NECAP2: variants seen among roughly 807,000 people sequenced by gnomAD.
NECAP2 encodes adaptin ear-binding coat-associated protein 2.
In NECAP2, 38 loss-of-function variants were observed where a neutral mutation model predicts 37.8. That is an observed-to-expected ratio of 1.01 (90% CI 0.78 to 1.32). The LOEUF (loss-of-function observed/expected upper bound fraction) is 1.32, where lower values mean the gene tolerates loss of function less well. Among genes scored for constraint, NECAP2 ranks in the 40% most tolerant of loss-of-function variants. The probability of loss-of-function intolerance (pLI) is 0.00; values close to 1 mark genes in which losing one functional copy is unlikely to be tolerated. For missense variants in NECAP2, 316 were observed against 334.5 expected, an observed-to-expected ratio of 0.94 and a Z score of 0.43; for synonymous variants, 121 against 127.7, an observed-to-expected ratio of 0.95 and a Z score of 0.35.
intron 2 of NECAP2, among the ~76,000 whole-genome samples, chr1:16,444,861 C>T (rs1186390176): frequency 6.6e-6 from 1 of 152,192 alleles, no homozygotes; most frequent in Non-Finnish European, 1.5e-5. Flanking sequence ...CTTGCTCTGT[C>T]ACCCAGGCTG....
chr1:16,442,294 G>C (rs987666363), intron 1 of NECAP2, among the ~76,000 whole-genome samples: 126 of 152,262 alleles, frequency 8.3e-4, no homozygotes, highest in African/African-American at 3.0e-3. Context: ...TGGGTCTTTA[G>C]TAGGATGGAT....
intron 2 of NECAP2, among the ~76,000 whole-genome samples, chr1:16,446,802 G>T (rs1421448285): frequency 6.6e-6 from 1 of 152,094 alleles, no homozygotes; most frequent in Non-Finnish European, 1.5e-5. Flanking sequence ...GCTCACGCCT[G>T]TAATCCCAGC....
At chr1:16,452,251 T>TTA (rs1391512382) in intron 6 of NECAP2, among the ~76,000 whole-genome samples, 2 of 152,220 alleles carry the variant, frequency 1.3e-5, no homozygotes, top group African/African-American at 4.8e-5. Flanking sequence ...GACTTGTTAG[T>TTA]TACTGTGAAA....
chr1:16,446,204 G>A (rs1335769156), intron 2 of NECAP2, among the ~76,000 whole-genome samples: 4 of 152,246 alleles, frequency 2.6e-5, no homozygotes, highest in Middle Eastern at 3.4e-3. Context: ...GTGAAACTCC[G>A]TCTTGGAAAA....
At chr1:16,454,050 T>G (rs183476814) in intron 6 of NECAP2, among the ~76,000 whole-genome samples, 151 of 152,232 alleles carry the variant, frequency 9.9e-4, no homozygotes, top group African/African-American at 3.5e-3. Flanking sequence ...TGATATTTAT[T>G]TATTTATTTT....
intron 1 of NECAP2, chr1:16,441,061 C>T: frequency 1.8e-6 from 1 of 569,364 alleles, no homozygotes; most frequent in Non-Finnish European, 3.2e-6. Flanking sequence ...CTCCTGGCGG[C>T]GGGGAGGGCG....
intron 7 of NECAP2, among the ~76,000 whole-genome samples, chr1:16,456,724 A>G (rs1050460470): frequency 2.0e-5 from 3 of 152,162 alleles, no homozygotes; most frequent in African/African-American, 7.2e-5. Flanking sequence ...AGGGGTCAGC[A>G]CACATTTTCT....
At chr1:16,458,466 A>G (rs1221651206) in intron 7 of NECAP2, among the ~76,000 whole-genome samples, 1 of 151,850 alleles carries the variant, frequency 6.6e-6, no homozygotes. Context: ...TTAACCGGTC[A>G]TGTAGTTCCA....
At chr1:16,446,348 C>T (rs1328175476) in intron 2 of NECAP2, among the ~76,000 whole-genome samples, 1 of 152,204 alleles carries the variant, frequency 6.6e-6, no homozygotes, top group Admixed American at 6.5e-5. Flanking sequence ...GGGAGGATCA[C>T]TTAAGACCAG....
chr1:16,441,058 C>A, intron 1 of NECAP2: 2 of 570,392 alleles, frequency 3.5e-6, no homozygotes, highest in South Asian at 2.2e-5. Context: ...GGACTCCTGG[C>A]GGCGGGGAGG....
At chr1:16,441,168 C>T (rs1016584605) in intron 1 of NECAP2, 1 of 388,906 alleles carries the variant, frequency 2.6e-6, no homozygotes. Context: ...TCTTTCAGCG[C>T]TAACCGGTGG....
chr1:16,456,329 T>G (rs279787), intron 7 of NECAP2, among the ~76,000 whole-genome samples: 73,366 of 152,010 alleles, frequency 0.48, 18,961 homozygotes, highest in South Asian at 0.66. Flanking sequence ...CTGGCCTGAT[T>G]TGGATGTTTT....
chr1:16,441,081 T>C, intron 1 of NECAP2: 1 of 553,074 alleles, frequency 1.8e-6, no homozygotes, highest in South Asian at 2.4e-5. Flanking sequence ...GTTAAAGCCG[T>C]ATCTAGCGCT....
intron 7 of NECAP2, among the ~76,000 whole-genome samples, chr1:16,457,579 C>T (rs555970207): frequency 1.3e-5 from 2 of 152,104 alleles, no homozygotes; most frequent in Non-Finnish European, 2.9e-5. Context: ...ATAACTTTGC[C>T]ACAAAATGTA....
intron 1 of NECAP2, chr1:16,441,092 T>G: frequency 1.7e-5 from 9 of 520,668 alleles, no homozygotes; most frequent in Non-Finnish European, 1.7e-5. Context: ...ATCTAGCGCT[T>G]AGGGACCCCG....
At chr1:16,456,734 TTTTTC>T (rs1279746574) in intron 7 of NECAP2, among the ~76,000 whole-genome samples, 6 of 152,314 alleles carry the variant, frequency 3.9e-5, no homozygotes, top group East Asian at 3.9e-4. Flanking sequence ...ACACATTTTC[TTTTTC>T]TTTTCATGTT....
At chr1:16,448,220 C>A in intron 4 of NECAP2, 79 bp downstream of exon 4, 1 of 1,377,098 alleles carries the variant, frequency 7.3e-7, no homozygotes, top group Non-Finnish European at 1.0e-6. Flanking sequence ...TTAGGATACC[C>A]AAGTGTTTGT....
At chr1:16,458,422 C>T (rs1158857340) in intron 7 of NECAP2, among the ~76,000 whole-genome samples, 1 of 151,836 alleles carries the variant, frequency 6.6e-6, no homozygotes, top group Non-Finnish European at 1.5e-5. Context: ...GGCAACATGG[C>T]AAAACCCTGT....
Position 16,447,838 on chromosome 1 carries a change from G to C in NECAP2, c.194-32G>C, listed in dbSNP as rs769823293. On this transcript the variant is annotated intron_variant, in intron 2 of 7. Coordinates refer to ENST00000337132, the MANE Select transcript of NECAP2 (RefSeq NM_018090.5). The stretch of plus-strand genomic sequence containing the variant: ...AAACCTTGGCTGGAAGGGGGCTCAG[G>C]GCTCAGCGCTCAGCCTAACCTGTGC... 8.2e-6 allele frequency: 13 copies of C among 1,584,298 alleles called. No individual in the cohort carries two copies. In the African/African-American group the frequency reaches 1.3e-4, roughly 16 times the overall value.
Sources: allele counts gnomAD v4.1 joint callset (sites outside exome capture counted in the v4.1 genomes callset), GRCh38; gene constraint gnomAD v4.1.1; transcripts MANE v1.5; gene names NCBI Gene and HGNC (gene_info 2026-07-23, HGNC 2026-07-21).